The following ZBTB10 variants were observed in gnomAD, a reference collection of about 807,000 sequenced individuals.
ZBTB10 encodes zinc finger and BTB domain containing 10, also known as zinc finger and BTB domain-containing protein 10.
ZBTB10 carries 32 observed loss-of-function variants against 76.4 expected under a neutral mutation model. That is an observed-to-expected ratio of 0.42 (90% CI 0.32 to 0.56). The LOEUF (loss-of-function observed/expected upper bound fraction) is 0.56. Among genes scored for constraint, ZBTB10 ranks in the 20% least tolerant of loss-of-function variants. The probability of loss-of-function intolerance (pLI) is 0.14; values close to 1 mark genes in which losing one functional copy is unlikely to be tolerated. For synonymous variants in ZBTB10, 523 were observed against 432.9 expected, an observed-to-expected ratio of 1.21 and a Z score of -2.58; for missense variants, 1,057 against 1,098.5, an observed-to-expected ratio of 0.96 and a Z score of 0.53.
chr8:80,489,843 A>G (rs958753630), intron 1 of ZBTB10, among the ~76,000 whole-genome samples: 1 of 152,170 alleles, frequency 6.6e-6, no homozygotes, highest in Non-Finnish European at 1.5e-5. Flanking sequence ...CTAAGGTTAT[A>G]TATTGGTCTC....
Position 80,499,780 on chromosome 8 carries a change from T to C in ZBTB10, c.1259T>C (p.Ile420Thr). 6.2e-7 allele frequency: 1 copy of C among 1,614,020 alleles called. No homozygotes were observed. The highest frequency in any genetic ancestry group is 8.5e-7 in the Non-Finnish European group (1 of 1,179,888). The change falls in exon 2 of 6, where the codon ATC becomes ACC. Residue 420 changes from isoleucine (I) to threonine (T), a missense_variant. This residue lies in a region of ZBTB10 where 86 missense variants were observed against 145.7 expected (regional missense o/e 0.59). Transcript: ENST00000455036. ...GCTGCAGTTCAAGGTTTTTCAGTCA[T>C]CTTGGACTTCTTGTATTCTGGTAAC... ...DIAAVQGFSV[I>T]LDFLYSGNLV...
intron 1 of ZBTB10, among the ~76,000 whole-genome samples, chr8:80,493,244 C>CACACACACAG (rs1815690927): frequency 1.3e-5 from 2 of 149,820 alleles, no homozygotes; most frequent in African/African-American, 2.5e-5. Context: ...CACACACACA[C>CACACACACAG]AGCCTGAGGA....
chr8:80,495,264 G>A (rs1815753111), intron 1 of ZBTB10, among the ~76,000 whole-genome samples: 1 of 151,906 alleles, frequency 6.6e-6, no homozygotes, highest in Non-Finnish European at 1.5e-5. Context: ...AAAATGGATG[G>A]ACATTTACCT....
At chr8:80,495,086 A>G (rs1390223034) in intron 1 of ZBTB10, among the ~76,000 whole-genome samples, 1 of 151,732 alleles carries the variant, frequency 6.6e-6, no homozygotes, top group Non-Finnish European at 1.5e-5. Flanking sequence ...TGCCTATAGC[A>G]ATGGTTCTAA....
rs76997731 is a variant in ZBTB10, at chr8:80,519,676, CAAA to C, written c.*154_*156del. 4.3e-6 allele frequency: 4 copies of C among 937,374 alleles called. No homozygotes were observed. Among genetic ancestry groups the C allele is most frequent in the African/African-American group, 3.3e-5 (2 of 60,138 alleles). 58.1% of individuals were successfully genotyped at this position (937,374 alleles called of 1,614,324 possible). ...AAACTGTAGGGTCAAAGCCTTATAG[CAAA>C]AAAAATTTTTTTTTATATTTGCACA... On this transcript the variant is annotated 3_prime_UTR_variant, in exon 6 of 6. Transcript: ENST00000455036.
At chr8:80,492,562 T>C (rs960149839) in intron 1 of ZBTB10, among the ~76,000 whole-genome samples, 11 of 151,954 alleles carry the variant, frequency 7.2e-5, no homozygotes, top group Non-Finnish European at 1.5e-4. Flanking sequence ...CACTGCAACC[T>C]CCGCCTCCTG....
chr8:80,508,625 A>G (rs899543773), intron 2 of ZBTB10, among the ~76,000 whole-genome samples: 1 of 152,204 alleles, frequency 6.6e-6, no homozygotes, highest in African/African-American at 2.4e-5. Context: ...GAGTTGGGAA[A>G]GCTTCATAGA....
rs1472265357 is a variant in ZBTB10 at position 80,524,604 on chromosome 8, A to T, written c.*5076A>T. ...AGAACTGGCCAGATATTCAGACTTG[A>T]CTTAGAAAAACAGGAGTTTGTTGAT... On this transcript the variant is annotated 3_prime_UTR_variant, in exon 6 of 6. Transcript: ENST00000455036. 1 of 152,108 alleles carries T rather than the reference A, an allele frequency of 6.6e-6. No individual in the cohort carries two copies. The highest frequency in any genetic ancestry group is 2.4e-5 in the African/African-American group (1 of 41,456). 9.4% of individuals were successfully genotyped at this position (152,108 alleles called of 1,614,324 possible).
intron 3 of ZBTB10, among the ~76,000 whole-genome samples, chr8:80,514,884 C>G (rs1816287937): frequency 6.6e-6 from 1 of 152,182 alleles, no homozygotes; most frequent in African/African-American, 2.4e-5. Flanking sequence ...TAGCTTGTAT[C>G]TAATGACAAA....
rs1816444695 is a variant in ZBTB10 at position 80,521,344 on chromosome 8, G to A, written c.*1816G>A. ...GTACTTCTTAATGTTCTAGACAAAT[G>A]AGTAAAATGTATTTCTGGTAGAAAT... is the stretch of plus-strand genomic sequence containing the variant. On this transcript the variant is annotated 3_prime_UTR_variant, in exon 6 of 6. Transcript: ENST00000455036. 1 of 151,774 alleles carries A rather than the reference G, an allele frequency of 6.6e-6. No individual in the cohort carries two copies. The highest frequency in any genetic ancestry group is 1.5e-5 in the Non-Finnish European group (1 of 67,762). The allele number at this position is 151,774 out of a possible 1,614,324, so 9.4% of individuals were successfully genotyped here. A position where few individuals can be genotyped will look rare whatever the true frequency, so the allele number is the denominator to read the frequency against.
intron 2 of ZBTB10, among the ~76,000 whole-genome samples, chr8:80,509,723 T>A (rs941828259): frequency 1.3e-5 from 2 of 152,246 alleles, no homozygotes; most frequent in South Asian, 4.1e-4. Context: ...TAGACCAGTC[T>A]TTTAATCCCA....
chr8:80,499,055 G>A (rs911917724), intron 1 of ZBTB10, among the ~76,000 whole-genome samples: 4 of 152,158 alleles, frequency 2.6e-5, no homozygotes, highest in Admixed American at 2.0e-4. Context: ...ATGGTAGATA[G>A]GGTGATATGC....
At chr8:80,501,459 C>T (rs1434061728) in intron 2 of ZBTB10, among the ~76,000 whole-genome samples, 1 of 152,196 alleles carries the variant, frequency 6.6e-6, no homozygotes, top group Admixed American at 6.5e-5. Context: ...CCACCACTGT[C>T]ATACATTATT....
rs1254744011 is a variant in ZBTB10, at chr8:80,499,493, G to A, written c.973-1G>A. The A allele has an allele frequency of 6.4e-7, 1 of 1,572,302 alleles. No individual in the cohort carries two copies. The highest frequency in any genetic ancestry group is 8.6e-7 in the Non-Finnish European group (1 of 1,160,868). On this transcript the variant is annotated splice_acceptor_variant, in intron 1 of 5. Transcript: ENST00000455036. LOFTEE classifies it high-confidence loss of function. ...TATTAATGTTTTTTATCCAATTACA[G>A]GAGTCAGAAATACCATCAGAGGAGG...
chr8:80,526,074 C>T lies in ZBTB10; in HGVS notation c.*6546C>T, dbSNP rs184533797. ...AGCCTTTGTGATTTTTTTTTTAAACCGTCTCCATAACAGAACACTTAGAAT... is the reference window on the plus strand; with the variant it reads ...AGCCTTTGTGATTTTTTTTTTAAACTGTCTCCATAACAGAACACTTAGAAT... On this transcript the variant is annotated 3_prime_UTR_variant, in exon 6 of 6. Coordinates refer to ENST00000455036, the MANE Select transcript of ZBTB10 (RefSeq NM_001105539.3). 6.6e-6 allele frequency: 1 copy of T among 151,802 alleles called. No individual in the cohort carries two copies. The highest frequency in any genetic ancestry group is 6.6e-5 in the Admixed American group (1 of 15,248). The allele number at this position is 151,802 out of a possible 1,614,324, so 9.4% of individuals were successfully genotyped here. A position where few individuals can be genotyped will look rare whatever the true frequency, so the allele number is the denominator to read the frequency against.
rs1396900837 is a variant in ZBTB10, at chr8:80,521,542, A to G, written c.*2014A>G. 1 of 151,750 alleles carries G rather than the reference A, an allele frequency of 6.6e-6. No homozygotes were observed. Among genetic ancestry groups the G allele is most frequent in the African/African-American group, 2.4e-5 (1 of 41,392 alleles). The allele number at this position is 151,750 out of a possible 1,614,324, so 9.4% of individuals were successfully genotyped here. A position where few individuals can be genotyped will look rare whatever the true frequency, so the allele number is the denominator to read the frequency against. ...TATAAATATATATTAAAGAACAAAG[A>G]TATATATCTAAAAATCACCTAAATC... is the stretch of plus-strand genomic sequence containing the variant. On this transcript the variant is annotated 3_prime_UTR_variant, in exon 6 of 6. Transcript: ENST00000455036.
chr8:80,521,036 A>G lies in ZBTB10; in HGVS notation c.*1508A>G, dbSNP rs1288993756. Reference sequence around the variant, plus strand: ...TAACTAAATTATGCTAGTTATGTGGAAAAAATTGCAAAGATGCTTTGACAG... The same window carrying G: ...TAACTAAATTATGCTAGTTATGTGGGAAAAATTGCAAAGATGCTTTGACAG... On this transcript the variant is annotated 3_prime_UTR_variant, in exon 6 of 6. Transcript: ENST00000455036. 2.0e-5 allele frequency: 3 copies of G among 151,902 alleles called. No individual in the cohort carries two copies. Among genetic ancestry groups the G allele is most frequent in the Non-Finnish European group, 4.4e-5 (3 of 67,830 alleles). 9.4% of individuals were successfully genotyped at this position (151,902 alleles called of 1,614,324 possible).
chr8:80,503,404 G>A (rs1432939858), intron 2 of ZBTB10, among the ~76,000 whole-genome samples: 5 of 152,138 alleles, frequency 3.3e-5, no homozygotes, highest in Non-Finnish European at 5.9e-5. Context: ...AGCTTCCAGT[G>A]TAGGATGACT....
At position 80,487,048 on chromosome 8, in the gene ZBTB10, TCCGCCGGGCCGG is replaced by T. The variant is rs780952261; in HGVS notation, c.246_257del (p.Pro83_Gly86del). On this transcript the variant is annotated inframe_deletion, in exon 1 of 6. Coordinates refer to ENST00000455036, the MANE Select transcript of ZBTB10 (RefSeq NM_001105539.3). ...CCTGGAGCCCCAAGACCTGGAGGCC[TCCGCCGGGCCGG>T]CCGCCGGCGCCGCCGAGGAAGCCAA... 1.0e-4 allele frequency: 156 copies of T among 1,517,412 alleles called. No homozygotes were observed. The African/African-American group carries it at 2.0e-3, about 20-fold the overall frequency. The allele number at this position is 1,517,412 out of a possible 1,614,324, so 94.0% of individuals were successfully genotyped here.
Sources: gnomAD v4.1 joint callset for allele counts (sites outside exome capture counted in the v4.1 genomes callset) on GRCh38, gnomAD v4.1.1 for gene constraint, gnomAD v4.1.1 regional missense constraint, MANE v1.5 for transcripts, NCBI Gene and HGNC (gene_info 2026-07-23, HGNC 2026-07-21) for gene names.